Variants in PCDH9 observed in about 807,000 individuals in gnomAD.
PCDH9 encodes protocadherin 9, also known as protocadherin-9.
In PCDH9, 24 loss-of-function variants were observed where a neutral mutation model predicts 70.6. That is an observed-to-expected ratio of 0.34 (90% CI 0.25 to 0.48). The LOEUF (loss-of-function observed/expected upper bound fraction) is 0.48, where lower values mean the gene tolerates loss of function less well. Ranked by LOEUF, PCDH9 falls within the 20% of genes least tolerant of loss-of-function variation. PCDH9 has a pLI of 0.99. For missense variants in PCDH9, 1,281 were observed against 1,503.6 expected (o/e 0.85, Z 2.45); for synonymous variants, 562 against 558.5 (o/e 1.01, Z -0.09).
intron 2 of PCDH9, among the ~76,000 whole-genome samples, chr13:66,946,690 T>A (rs1405862381): frequency 1.3e-5 from 2 of 151,966 alleles, no homozygotes; most frequent in Admixed American, 1.3e-4. Flanking sequence ...CCAAAAGGCT[T>A]TATGGATTTT....
chr13:66,488,775 T>G lies in PCDH9; in HGVS notation c.3340+142435A>C, dbSNP rs1456215320. ...AATTCTATGTGAGAAGGATCAATTA[T>G]TTAATAAAAGTTGCTGGCATAAAAA... On this transcript the variant is annotated intron_variant, in intron 4 of 4. Coordinates refer to ENST00000377865, the MANE Select transcript of PCDH9 (RefSeq NM_203487.3). Among the ~76,000 whole-genome samples the G allele has an allele frequency of 3.3e-5, 5 of 152,156 alleles. 1 individual carries two copies. The highest frequency in any genetic ancestry group is 6.3e-3 in the Middle Eastern group (2 of 316).
At chr13:66,858,474 C>A (rs1747495168) in intron 3 of PCDH9, among the ~76,000 whole-genome samples, 1 of 152,126 alleles carries the variant, frequency 6.6e-6, no homozygotes, top group Non-Finnish European at 1.5e-5. Context: ...CACCATTGGG[C>A]CAGCCACTTT....
intron 4 of PCDH9, among the ~76,000 whole-genome samples, chr13:66,409,599 G>A (rs1396116505): frequency 3.3e-5 from 5 of 151,964 alleles, no homozygotes; most frequent in East Asian, 3.9e-4. Flanking sequence ...CACCAGCACC[G>A]AAACTAGATT....
intron 3 of PCDH9, among the ~76,000 whole-genome samples, chr13:66,831,010 G>T (rs540209862): frequency 1.3e-5 from 2 of 152,252 alleles, no homozygotes; most frequent in East Asian, 3.9e-4. Context: ...ATATCCCTTA[G>T]GGTAGGTCAA....
At chr13:66,749,294 A>T (rs1045843797) in intron 3 of PCDH9, among the ~76,000 whole-genome samples, 5 of 152,200 alleles carry the variant, frequency 3.3e-5, no homozygotes, top group Admixed American at 3.3e-4. Flanking sequence ...TTCTGCAAGC[A>T]TTTTAGACAA....
chr13:66,315,688 T>C (rs914831009), intron 4 of PCDH9, among the ~76,000 whole-genome samples: 25 of 152,098 alleles, frequency 1.6e-4, no homozygotes, highest in African/African-American at 5.8e-4. Flanking sequence ...TCCTTGTTGG[T>C]CAGGCTGGTC....
At chr13:66,985,743 A>T (rs1178052857) in intron 2 of PCDH9, 1 of 152,098 alleles carries the variant, frequency 6.6e-6, no homozygotes, top group Non-Finnish European at 1.5e-5. Context: ...CTACAAAAGC[A>T]TGTAAATTAG....
At chr13:66,486,033 C>G (rs1958933782) in intron 4 of PCDH9, among the ~76,000 whole-genome samples, 1 of 152,046 alleles carries the variant, frequency 6.6e-6, no homozygotes, top group Non-Finnish European at 1.5e-5. Flanking sequence ...GGGTCCAAAT[C>G]TTTTATTTTT....
At chr13:66,639,044 A>T (rs996937458) in intron 3 of PCDH9, among the ~76,000 whole-genome samples, 5 of 152,170 alleles carry the variant, frequency 3.3e-5, no homozygotes, top group Admixed American at 1.3e-4. Flanking sequence ...TTCAAAATAA[A>T]TTTTTTGATT....
At chr13:66,607,889 C>G (rs113585318) in intron 4 of PCDH9, among the ~76,000 whole-genome samples, 3 of 151,934 alleles carry the variant, frequency 2.0e-5, no homozygotes, top group African/African-American at 7.2e-5. Flanking sequence ...ATATAATCAT[C>G]TCTTCCATAG....
At chr13:67,173,425 T>G (rs2088352765) in intron 2 of PCDH9, among the ~76,000 whole-genome samples, 1 of 152,098 alleles carries the variant, frequency 6.6e-6, no homozygotes, top group Non-Finnish European at 1.5e-5. Context: ...CAACAAATTA[T>G]ATATATATTT....
chr13:66,326,397 T>TA (rs372315902), intron 4 of PCDH9, among the ~76,000 whole-genome samples: 4,415 of 119,724 alleles, frequency 0.037, 119 homozygotes, highest in African/African-American at 0.086. Context: ...CTTCTTCTTC[T>TA]AAAAAAAAAA....
intron 4 of PCDH9, among the ~76,000 whole-genome samples, chr13:66,418,715 A>G (rs553673968): frequency 6.8e-4 from 104 of 152,202 alleles, no homozygotes; most frequent in Non-Finnish European, 1.3e-3. Flanking sequence ...AAAAACTAGC[A>G]GAGGACAAGA....
chr13:66,442,760 G>A (rs115402642), intron 4 of PCDH9, among the ~76,000 whole-genome samples: 1,996 of 151,956 alleles, frequency 0.013, 47 homozygotes, highest in African/African-American at 0.046. Flanking sequence ...GATGAATTTG[G>A]TTATGAAACC....
At chr13:66,509,646 T>C (rs1464969730) in intron 4 of PCDH9, among the ~76,000 whole-genome samples, 1 of 152,044 alleles carries the variant, frequency 6.6e-6, no homozygotes, top group African/African-American at 2.4e-5. Context: ...AGAGACAAGG[T>C]CTCATTATGT....
At chr13:66,777,902 A>G (rs1791042998) in intron 3 of PCDH9, among the ~76,000 whole-genome samples, 1 of 152,084 alleles carries the variant, frequency 6.6e-6, no homozygotes, top group African/African-American at 2.4e-5. Flanking sequence ...ACAACGATAG[A>G]CTGGATTAAG....
intron 2 of PCDH9, among the ~76,000 whole-genome samples, chr13:67,154,234 C>G (rs545851331): frequency 6.6e-6 from 1 of 151,992 alleles, no homozygotes; most frequent in African/African-American, 2.4e-5. Flanking sequence ...AGGTAGATCC[C>G]TTGAGCCCAG....
At chr13:66,610,663 A>C (rs2077283094) in intron 4 of PCDH9, among the ~76,000 whole-genome samples, 1 of 152,196 alleles carries the variant, frequency 6.6e-6, no homozygotes, top group Admixed American at 6.5e-5. Flanking sequence ...AGATTACTGA[A>C]GAGTTACTGT....
At chr13:66,437,789 T>C (rs1957900595) in intron 4 of PCDH9, among the ~76,000 whole-genome samples, 1 of 152,062 alleles carries the variant, frequency 6.6e-6, no homozygotes, top group African/African-American at 2.4e-5. Flanking sequence ...GCAATTCCAC[T>C]CCTATGTGTA....
Sources: allele counts gnomAD v4.1 joint callset (sites outside exome capture counted in the v4.1 genomes callset), GRCh38; gene constraint gnomAD v4.1.1; transcripts MANE v1.5; gene names NCBI Gene and HGNC (gene_info 2026-07-23, HGNC 2026-07-21).